The following MDGA2 variants were observed in gnomAD, a reference collection of about 807,000 sequenced individuals.
MDGA2 encodes the protein MAM domain containing glycosylphosphatidylinositol anchor 2.
In MDGA2, 40 loss-of-function variants were observed where a neutral mutation model predicts 117.8. The ratio of observed to expected loss-of-function variants is 0.34; its 90% CI spans 0.26 to 0.44. The LOEUF is 0.44. MDGA2 is among the 20% of genes least tolerant of loss of function. The probability of loss-of-function intolerance (pLI) is 1.00; values close to 1 mark genes in which losing one functional copy is unlikely to be tolerated. For synonymous variants in MDGA2, 452 were observed against 439.0 expected, an observed-to-expected ratio of 1.03 and a Z score of -0.37; for missense variants, 1,123 against 1,250.6, an observed-to-expected ratio of 0.90 and a Z score of 1.54.
At chr14:47,494,698 G>T (rs1425664252) in intron 1 of MDGA2, among the ~76,000 whole-genome samples, 1 of 151,838 alleles carries the variant, frequency 6.6e-6, no homozygotes, top group African/African-American at 2.4e-5. Flanking sequence ...GATGATGTTT[G>T]TATATGGTGA....
intron 1 of MDGA2, among the ~76,000 whole-genome samples, chr14:47,466,305 C>T (rs1250292090): frequency 6.6e-6 from 1 of 151,716 alleles, no homozygotes; most frequent in African/African-American, 2.4e-5. Flanking sequence ...TTTGCAGGAC[C>T]CCCACACGGA....
chr14:46,845,393 G>A (rs1051893905), intron 16 of MDGA2, among the ~76,000 whole-genome samples: 2 of 152,154 alleles, frequency 1.3e-5, no homozygotes, highest in African/African-American at 4.8e-5. Context: ...TATGAAGATT[G>A]ACTAATACAA....
At chr14:47,654,356 C>T (rs1341035010) in intron 1 of MDGA2, among the ~76,000 whole-genome samples, 3 of 152,148 alleles carry the variant, frequency 2.0e-5, no homozygotes, top group East Asian at 1.9e-4. Context: ...ACTAGTGTTT[C>T]CTGCTTGAAG....
chr14:47,436,679 T>C (rs569205805), intron 1 of MDGA2, among the ~76,000 whole-genome samples: 3 of 152,184 alleles, frequency 2.0e-5, no homozygotes, highest in South Asian at 4.1e-4. Context: ...ATACTAAAGA[T>C]AGCTGATGAG....
intron 5 of MDGA2, among the ~76,000 whole-genome samples, chr14:47,114,542 C>T (rs922576450): frequency 6.6e-6 from 1 of 151,966 alleles, no homozygotes; most frequent in African/African-American, 2.4e-5. Flanking sequence ...TTACAGTAAC[C>T]AAAACAGCAG....
intron 1 of MDGA2, among the ~76,000 whole-genome samples, chr14:47,579,942 T>C (rs552357864): frequency 1.3e-5 from 2 of 152,198 alleles, no homozygotes; most frequent in South Asian, 2.1e-4. Context: ...TATGTGAATA[T>C]ATGTATTTAC....
intron 1 of MDGA2, among the ~76,000 whole-genome samples, chr14:47,622,564 T>C (rs1386773357): frequency 6.6e-6 from 1 of 152,140 alleles, no homozygotes; most frequent in Non-Finnish European, 1.5e-5. Flanking sequence ...CTGATGATGA[T>C]TTCCCAGTGA....
At chr14:47,105,129 T>C (rs1880576178) in intron 5 of MDGA2, among the ~76,000 whole-genome samples, 1 of 151,978 alleles carries the variant, frequency 6.6e-6, no homozygotes, top group Non-Finnish European at 1.5e-5. Context: ...TCCTTCACCC[T>C]TAGCGGCAAG....
At chr14:46,851,503 T>C (rs1881054706) in intron 15 of MDGA2, among the ~76,000 whole-genome samples, 1 of 151,892 alleles carries the variant, frequency 6.6e-6, no homozygotes, top group African/African-American at 2.4e-5. Context: ...CTTCTACTTG[T>C]CTTGAAAAGT....
chr14:47,642,270 T>A (rs975768694), intron 1 of MDGA2, among the ~76,000 whole-genome samples: 1 of 152,092 alleles, frequency 6.6e-6, no homozygotes, highest in Non-Finnish European at 1.5e-5. Context: ...ATTGGACTCT[T>A]ATGAGAATTA....
At chr14:47,388,335 C>T (rs183420437) in intron 1 of MDGA2, among the ~76,000 whole-genome samples, 110 of 152,250 alleles carry the variant, frequency 7.2e-4, no homozygotes, top group African/African-American at 2.6e-3. Context: ...CTGAAGTAAA[C>T]TGAATCCTCG....
intron 6 of MDGA2, among the ~76,000 whole-genome samples, chr14:47,087,801 CAAAAAA>C (rs11418956): frequency 1.4e-5 from 2 of 139,310 alleles, no homozygotes. Flanking sequence ...TGTAGGGTAT[CAAAAAA>C]AAAAAAAAAA....
intron 9 of MDGA2, among the ~76,000 whole-genome samples, chr14:46,953,859 C>T (rs1885459331): frequency 6.6e-6 from 1 of 151,998 alleles, no homozygotes; most frequent in Non-Finnish European, 1.5e-5. Context: ...ATAAATGCTG[C>T]ATTTTGCTGC....
At chr14:47,279,728 C>T (rs1888415493) in intron 2 of MDGA2, among the ~76,000 whole-genome samples, 1 of 151,660 alleles carries the variant, frequency 6.6e-6, no homozygotes, top group African/African-American at 2.4e-5. Flanking sequence ...CTCTTCCAAA[C>T]AGACAAACAC....
At chr14:47,574,259 G>T (rs1896074585) in intron 1 of MDGA2, among the ~76,000 whole-genome samples, 1 of 152,082 alleles carries the variant, frequency 6.6e-6, no homozygotes, top group Non-Finnish European at 1.5e-5. Flanking sequence ...CTAAGTAAAG[G>T]TACTTTACTA....
At chr14:46,990,217 T>C (rs1221010305) in intron 8 of MDGA2, among the ~76,000 whole-genome samples, 2 of 152,062 alleles carry the variant, frequency 1.3e-5, no homozygotes, top group African/African-American at 4.8e-5. Context: ...CTTATTATAG[T>C]CCCTTACTCC....
At chr14:47,608,979 C>T (rs1896789807) in intron 1 of MDGA2, among the ~76,000 whole-genome samples, 2 of 151,960 alleles carry the variant, frequency 1.3e-5, no homozygotes, top group Non-Finnish European at 2.9e-5. Flanking sequence ...ATGAATTTAT[C>T]ACTTACTGAG....
At chr14:47,015,322 A>T (rs1594528783) in intron 8 of MDGA2, among the ~76,000 whole-genome samples, 1 of 30,794 alleles carries the variant, frequency 3.2e-5, no homozygotes, top group African/African-American at 7.0e-5. Context: ...ACATGCTGTT[A>T]AAAAAAAAAA....
At chr14:47,052,782 T>A (rs1026526842) in intron 7 of MDGA2, among the ~76,000 whole-genome samples, 5 of 151,902 alleles carry the variant, frequency 3.3e-5, no homozygotes, top group African/African-American at 9.7e-5. Context: ...GTGGCTTGTT[T>A]AAGAAGATGC....
Sources: allele counts gnomAD v4.1 joint callset (sites outside exome capture counted in the v4.1 genomes callset), GRCh38; gene constraint gnomAD v4.1.1; transcripts MANE v1.5; gene names NCBI Gene and HGNC (gene_info 2026-07-23, HGNC 2026-07-21).